Variants in LDB2 observed in about 807,000 individuals in gnomAD.
The protein encoded by LDB2 is LIM domain-binding protein 2.
Under a neutral mutation model 44.3 loss-of-function variants are expected in LDB2, and 12 were observed. The observed-to-expected ratio is 0.27, with a 90% CI of 0.17 to 0.44. LDB2 has a LOEUF of 0.44. Ranked by LOEUF, LDB2 falls within the 20% of genes least tolerant of loss-of-function variation. The pLI, the probability that LDB2 is intolerant of heterozygous loss-of-function variation, is 1.00. For missense variants in LDB2, 344 were observed against 473.5 expected (o/e 0.73, Z 2.54); for synonymous variants, 164 against 174.8 (o/e 0.94, Z 0.49).
chr4:16,567,146 A>G (rs1450726832), intron 5 of LDB2, among the ~76,000 whole-genome samples: 1 of 152,162 alleles, frequency 6.6e-6, no homozygotes, highest in Non-Finnish European at 1.5e-5. Flanking sequence ...TCTCCTACAT[A>G]TTTAGTTTTT....
chr4:16,838,461 T>C (rs1203780666), intron 1 of LDB2, among the ~76,000 whole-genome samples: 1 of 152,230 alleles, frequency 6.6e-6, no homozygotes, highest in East Asian at 1.9e-4. Flanking sequence ...AGCTCACTTG[T>C]GGCTCCCTCT....
chr4:16,536,700 G>A (rs1014910459), intron 5 of LDB2, among the ~76,000 whole-genome samples: 1 of 152,216 alleles, frequency 6.6e-6, no homozygotes, highest in Non-Finnish European at 1.5e-5. Context: ...GGTGGGTCAG[G>A]GGATGGAGAA....
At chr4:16,844,768 A>T (rs562654715) in intron 1 of LDB2, among the ~76,000 whole-genome samples, 58 of 152,278 alleles carry the variant, frequency 3.8e-4, no homozygotes, top group African/African-American at 1.4e-3. Context: ...TCCTCACAAC[A>T]TTAGCACATT....
intron 5 of LDB2, among the ~76,000 whole-genome samples, chr4:16,556,132 G>A (rs1197131595): frequency 6.6e-6 from 1 of 152,258 alleles, no homozygotes; most frequent in Non-Finnish European, 1.5e-5. Flanking sequence ...TTCCTTTGTT[G>A]TATTCACTCA....
At chr4:16,637,556 A>G (rs1297403728) in intron 2 of LDB2, among the ~76,000 whole-genome samples, 2 of 151,986 alleles carry the variant, frequency 1.3e-5, no homozygotes, top group Admixed American at 6.6e-5. Flanking sequence ...TGGGGTTTAA[A>G]ACGGACTCAA....
chr4:16,598,343 T>A (rs1054561064), intron 2 of LDB2, among the ~76,000 whole-genome samples: 15 of 152,122 alleles, frequency 9.9e-5, no homozygotes, highest in Admixed American at 7.9e-4. Context: ...AACCTAGCCA[T>A]GTGGAGAGGT....
intron 2 of LDB2, among the ~76,000 whole-genome samples, chr4:16,648,542 C>T (rs1361040541): frequency 1.3e-5 from 2 of 152,182 alleles, no homozygotes; most frequent in African/African-American, 2.4e-5. Flanking sequence ...GGTCATTCCT[C>T]ACATTGATTA....
intron 2 of LDB2, among the ~76,000 whole-genome samples, chr4:16,695,292 T>A (rs1310485384): frequency 6.6e-6 from 1 of 152,138 alleles, no homozygotes; most frequent in South Asian, 2.1e-4. Context: ...ATCCCAGCAC[T>A]TTGGGCGGTG....
At chr4:16,671,492 G>A (rs1388501583) in intron 2 of LDB2, among the ~76,000 whole-genome samples, 3 of 152,110 alleles carry the variant, frequency 2.0e-5, no homozygotes, top group African/African-American at 7.2e-5. Context: ...GGTCCCTACT[G>A]TCTCAGCAGT....
chr4:16,653,906 G>T (rs1738996482), intron 2 of LDB2: 1 of 152,102 alleles, frequency 6.6e-6, no homozygotes, highest in Non-Finnish European at 1.5e-5. Flanking sequence ...TCTTTGATTG[G>T]GGTAACAAAT....
intron 1 of LDB2, among the ~76,000 whole-genome samples, chr4:16,866,156 C>A (rs1053992285): frequency 6.6e-6 from 1 of 152,114 alleles, no homozygotes; most frequent in Admixed American, 6.5e-5. Flanking sequence ...GATTTTCTTT[C>A]CGCGAAGTGC....
At chr4:16,779,136 G>A (rs1772603713) in intron 1 of LDB2, among the ~76,000 whole-genome samples, 1 of 152,212 alleles carries the variant, frequency 6.6e-6, no homozygotes, top group African/African-American at 2.4e-5. Flanking sequence ...GCACTGAGCT[G>A]GAGGGGAGCC....
intron 2 of LDB2, among the ~76,000 whole-genome samples, chr4:16,637,777 T>C (rs1015769912): frequency 6.6e-6 from 1 of 152,140 alleles, no homozygotes; most frequent in African/African-American, 2.4e-5. Context: ...TGAAGACTTC[T>C]TCTTCCATTC....
At chr4:16,509,316 A>G (rs1720792017) in intron 6 of LDB2, among the ~76,000 whole-genome samples, 1 of 152,204 alleles carries the variant, frequency 6.6e-6, no homozygotes, top group Admixed American at 6.5e-5. Flanking sequence ...CTGCTGTTTA[A>G]TAAATGCTAC....
intron 1 of LDB2, among the ~76,000 whole-genome samples, chr4:16,865,842 C>T (rs995923102): frequency 2.0e-5 from 3 of 152,176 alleles, no homozygotes; most frequent in African/African-American, 7.2e-5. Context: ...CATGGACACT[C>T]CAAACACATT....
chr4:16,586,737 G>T (rs959594270), intron 4 of LDB2, among the ~76,000 whole-genome samples: 2 of 152,138 alleles, frequency 1.3e-5, no homozygotes, highest in Non-Finnish European at 2.9e-5. Context: ...TTGGCTAGAA[G>T]AAAATGGAAA....
At chr4:16,897,117 T>A (rs879320860) in intron 1 of LDB2, among the ~76,000 whole-genome samples, 7 of 152,240 alleles carry the variant, frequency 4.6e-5, no homozygotes, top group Admixed American at 1.3e-4. Context: ...TCTTGTTAGC[T>A]GTATTAAATA....
intron 1 of LDB2, among the ~76,000 whole-genome samples, chr4:16,809,522 C>G (rs1422119715): frequency 1.3e-5 from 2 of 152,164 alleles, no homozygotes; most frequent in African/African-American, 4.8e-5. Context: ...ACACTTCACT[C>G]TTAAAGGTGG....
At chr4:16,592,503 T>C (rs113457141) in intron 3 of LDB2, among the ~76,000 whole-genome samples, 44,518 of 129,754 alleles carry the variant, frequency 0.34, 7,759 homozygotes, top group African/African-American at 0.4. Flanking sequence ...TATATATATA[T>C]ATACACACAC....
Sources: gnomAD v4.1 joint callset for allele counts (sites outside exome capture counted in the v4.1 genomes callset) on GRCh38, gnomAD v4.1.1 for gene constraint, MANE v1.5 for transcripts, NCBI Gene and HGNC (gene_info 2026-07-23, HGNC 2026-07-21) for gene names.